Variants in FRMPD4 observed in about 807,000 individuals in gnomAD.
The protein encoded by FRMPD4 is FERM and PDZ domain-containing protein 4.
A neutral mutation model predicts 94.1 loss-of-function variants in FRMPD4; 22 were observed. The observed-to-expected ratio is 0.23, with a 90% CI of 0.17 to 0.33. FRMPD4 has a LOEUF of 0.33. Ranked by LOEUF, FRMPD4 falls within the 10% of genes least tolerant of loss-of-function variation. The pLI is 1.00. For synonymous variants in FRMPD4, 631 were observed against 548.6 expected (o/e 1.15, Z -2.10); for missense variants, 1,111 against 1,339.9 (o/e 0.83, Z 2.67).
At chrX:12,536,354 GA>G (rs11308998) in intron 2 of FRMPD4, among the ~76,000 whole-genome samples, 47,293 of 102,330 alleles carry the variant, frequency 0.46, 8,535 homozygotes, top group Non-Finnish European at 0.55. Flanking sequence ...CTGTTATAAG[GA>G]AAAAAAAAAA....
chrX:12,372,446 T>C (rs755248622), intron 1 of FRMPD4, among the ~76,000 whole-genome samples: 1 of 113,190 alleles, frequency 8.8e-6, no homozygotes, highest in African/African-American at 3.2e-5. Flanking sequence ...AGTGAATGCC[T>C]GGGATGAGAG....
rs766643421 is a variant in FRMPD4, at chrX:12,187,701, A to G, written c.41+48689A>G. On this transcript the variant is annotated intron_variant, in intron 1 of 16. Coordinates refer to ENST00000675598, the MANE Select transcript of FRMPD4 (RefSeq NM_001368397.1). ...TATTGTTCTGTATAAGAATTTGGTG[A>G]AATTCTCATTTCTATTTATATATGT... 2.7e-5 allele frequency among the ~76,000 whole-genome samples: 3 copies of G among 111,550 alleles called. No individual in the cohort carries two copies. In the East Asian group the frequency reaches 8.5e-4, roughly 32 times the overall value.
chrX:12,176,662 A>G (rs376906426), intron 1 of FRMPD4, among the ~76,000 whole-genome samples: 82 of 112,466 alleles, frequency 7.3e-4, no homozygotes, highest in African/African-American at 2.6e-3. Flanking sequence ...ATTGGTTTCA[A>G]ATATTCTAAA....
At chrX:12,325,679 A>G (rs2055275995) in intron 1 of FRMPD4, among the ~76,000 whole-genome samples, 1 of 112,445 alleles carries the variant, frequency 8.9e-6, no homozygotes, top group African/African-American at 3.2e-5. Context: ...TTTGTTATTC[A>G]AAGAATAATC....
At chrX:12,422,172 T>C (rs1364929564) in intron 1 of FRMPD4, among the ~76,000 whole-genome samples, 1 of 112,319 alleles carries the variant, frequency 8.9e-6, no homozygotes, top group Non-Finnish European at 1.9e-5. Context: ...CCACCTCCTG[T>C]GTCTCTTATC....
At chrX:12,199,352 C>A (rs769678804) in intron 1 of FRMPD4, among the ~76,000 whole-genome samples, 3 of 109,176 alleles carry the variant, frequency 2.7e-5, no homozygotes, top group African/African-American at 1.0e-4. Context: ...TGAGCCTCTG[C>A]TCCTTTCCAT....
chrX:12,277,820 A>T (rs1194275878), intron 1 of FRMPD4, among the ~76,000 whole-genome samples: 1 of 112,038 alleles, frequency 8.9e-6, no homozygotes, highest in Non-Finnish European at 1.9e-5. Context: ...GCACATCTCT[A>T]TTTGGACTGG....
At chrX:12,196,326 A>G (rs940412325) in intron 1 of FRMPD4, among the ~76,000 whole-genome samples, 1 of 111,773 alleles carries the variant, frequency 8.9e-6, no homozygotes, top group African/African-American at 3.3e-5. Flanking sequence ...CCCTACTGCC[A>G]TCACATTCTC....
intron 9 of FRMPD4, among the ~76,000 whole-genome samples, chrX:12,697,678 G>C (rs1414817216): frequency 8.9e-6 from 1 of 111,871 alleles, no homozygotes; most frequent in Non-Finnish European, 1.9e-5. Flanking sequence ...TTATTCAACA[G>C]ACACATGTTT....
intron 2 of FRMPD4, among the ~76,000 whole-genome samples, chrX:12,568,977 C>T (rs900235531): frequency 8.9e-6 from 1 of 111,808 alleles, no homozygotes; most frequent in African/African-American, 3.3e-5. Flanking sequence ...GCCATGAGAA[C>T]TGTGCCCTCA....
intron 4 of FRMPD4, among the ~76,000 whole-genome samples, chrX:12,662,518 A>C (rs2059726895): frequency 8.9e-6 from 1 of 112,047 alleles, no homozygotes; most frequent in South Asian, 3.7e-4. Context: ...ATGTCCCTGC[A>C]AAGGACCTGA....
At chrX:12,204,953 T>G (rs963777285) in intron 1 of FRMPD4, among the ~76,000 whole-genome samples, 1 of 110,883 alleles carries the variant, frequency 9.0e-6, no homozygotes, top group Non-Finnish European at 1.9e-5. Flanking sequence ...ATGATTGTCT[T>G]TCTTTGTTCA....
chrX:12,352,140 T>C (rs1288518153), intron 1 of FRMPD4, among the ~76,000 whole-genome samples: 1 of 112,367 alleles, frequency 8.9e-6, no homozygotes, highest in Non-Finnish European at 1.9e-5. Context: ...TCCAATTGCA[T>C]TTCCACCTCT....
At chrX:12,641,207 T>C (rs918452075) in intron 4 of FRMPD4, among the ~76,000 whole-genome samples, 1 of 111,163 alleles carries the variant, frequency 9.0e-6, no homozygotes, top group Non-Finnish European at 1.9e-5. Flanking sequence ...GAGTGGGACC[T>C]GGAAGAAAAG....
At chrX:12,201,548 G>A (rs2056630863) in intron 1 of FRMPD4, among the ~76,000 whole-genome samples, 1 of 111,769 alleles carries the variant, frequency 8.9e-6, no homozygotes, top group Non-Finnish European at 1.9e-5. Context: ...GAGATATGAT[G>A]GAACCAAAGT....
At chrX:12,204,466 A>G (rs761255044) in intron 1 of FRMPD4, among the ~76,000 whole-genome samples, 1 of 111,513 alleles carries the variant, frequency 9.0e-6, no homozygotes, top group Non-Finnish European at 1.9e-5. Context: ...ACGCTGCCGA[A>G]AAGTGAGGCC....
intron 1 of FRMPD4, among the ~76,000 whole-genome samples, chrX:11,823,581 A>G (rs952521591): frequency 2.7e-5 from 3 of 111,332 alleles, no homozygotes; most frequent in Non-Finnish European, 5.7e-5. Context: ...GTAAAAGACC[A>G]GATAGTAGAT....
At chrX:12,480,012 C>T (rs1197048145) in intron 1 of FRMPD4, among the ~76,000 whole-genome samples, 1 of 109,741 alleles carries the variant, frequency 9.1e-6, no homozygotes, top group Non-Finnish European at 1.9e-5. Flanking sequence ...GAAATACTGC[C>T]AAAGAGAACA....
chrX:12,443,336 G>C (rs757629554), intron 1 of FRMPD4, among the ~76,000 whole-genome samples: 20 of 112,125 alleles, frequency 1.8e-4, no homozygotes, highest in African/African-American at 6.5e-4. Flanking sequence ...AGGTGAAAAA[G>C]TGCATATGAT....
Sources: gnomAD v4.1 joint callset for allele counts (sites outside exome capture counted in the v4.1 genomes callset) on GRCh38, gnomAD v4.1.1 for gene constraint, MANE v1.5 for transcripts, NCBI Gene and HGNC (gene_info 2026-07-23, HGNC 2026-07-21) for gene names.